PRKCI: variants seen among roughly 807,000 people sequenced by gnomAD.
PRKCI encodes the protein protein kinase C iota.
In PRKCI, 43 loss-of-function variants were observed where a neutral mutation model predicts 84.0. The observed-to-expected ratio is 0.51, with a 90% CI of 0.40 to 0.66. PRKCI has a LOEUF of 0.66. Ranked by LOEUF, PRKCI falls within the 30% of genes least tolerant of loss-of-function variation. The pLI, the probability that PRKCI is intolerant of heterozygous loss-of-function variation, is 0.00. For synonymous variants in PRKCI, 216 were observed against 234.4 expected, an observed-to-expected ratio of 0.92 and a Z score of 0.72; for missense variants, 459 against 745.6, an observed-to-expected ratio of 0.62 and a Z score of 4.48.
chr3:170,250,234 C>T (rs1482229831), intron 2 of PRKCI, among the ~76,000 whole-genome samples: 1 of 150,628 alleles, frequency 6.6e-6, no homozygotes, highest in African/African-American at 2.4e-5. Flanking sequence ...GGTGTCACCA[C>T]CACACTCCAG....
At chr3:170,234,565 C>G (rs1399848303) in intron 1 of PRKCI, among the ~76,000 whole-genome samples, 3 of 152,104 alleles carry the variant, frequency 2.0e-5, no homozygotes, top group Admixed American at 6.5e-5. Context: ...TACACTTATT[C>G]TTTGACAGAG....
At chr3:170,266,812 G>T (rs1416726098) in intron 4 of PRKCI, among the ~76,000 whole-genome samples, 2 of 152,136 alleles carry the variant, frequency 1.3e-5, no homozygotes, top group East Asian at 1.9e-4. Flanking sequence ...GGCCAACGTG[G>T]CAAAACCCCA....
chr3:170,281,283 G>A lies in PRKCI; in HGVS notation c.980+20G>A. 6.3e-7 allele frequency: 1 copy of A among 1,594,758 alleles called. No individual in the cohort carries two copies. Among genetic ancestry groups the A allele is most frequent in the Admixed American group, 1.7e-5 (1 of 59,974 alleles). ...AAGCAGGTAAGATTGAAAGATAGTAGAATGATTACTGGGCTTCATATTTTT... is the reference window on the plus strand; with the variant it reads ...AAGCAGGTAAGATTGAAAGATAGTAAAATGATTACTGGGCTTCATATTTTT... On this transcript the variant is annotated intron_variant, in intron 10 of 17. Transcript: ENST00000295797.
chr3:170,227,096 A>C (rs117973996), intron 1 of PRKCI, among the ~76,000 whole-genome samples: 2,603 of 152,326 alleles, frequency 0.017, 66 homozygotes, highest in East Asian at 0.12. Flanking sequence ...GCAACTCTGC[A>C]CAGAAAAATT....
At chr3:170,265,307 T>G (rs1733831716) in intron 4 of PRKCI, among the ~76,000 whole-genome samples, 1 of 152,212 alleles carries the variant, frequency 6.6e-6, no homozygotes, top group South Asian at 2.1e-4. Flanking sequence ...CACTAAAGTT[T>G]GAGAACCACC....
chr3:170,298,733 A>C (rs1293837244), intron 16 of PRKCI, among the ~76,000 whole-genome samples: 1 of 151,834 alleles, frequency 6.6e-6, no homozygotes, highest in Non-Finnish European at 1.5e-5. Flanking sequence ...TAGAGATGGG[A>C]TCTTGCTATG....
intron 1 of PRKCI, among the ~76,000 whole-genome samples, chr3:170,232,750 C>T (rs1732835225): frequency 6.6e-6 from 1 of 151,968 alleles, no homozygotes; most frequent in South Asian, 2.1e-4. Context: ...CTTGTTCTGT[C>T]ACTGAGGCTG....
chr3:170,279,739 G>A (rs79321776), intron 8 of PRKCI, among the ~76,000 whole-genome samples: 13 of 152,122 alleles, frequency 8.5e-5, no homozygotes, highest in African/African-American at 2.9e-4. Flanking sequence ...TACATTCTAT[G>A]TATCAAGCTT....
intron 2 of PRKCI, among the ~76,000 whole-genome samples, chr3:170,235,600 C>G (rs1412777335): frequency 2.0e-5 from 3 of 146,974 alleles, no homozygotes; most frequent in Non-Finnish European, 4.5e-5. Context: ...GAGTCTCGCT[C>G]TATCGCCCAG....
At chr3:170,261,634 C>T (rs1733731019) in intron 3 of PRKCI, among the ~76,000 whole-genome samples, 1 of 152,062 alleles carries the variant, frequency 6.6e-6, no homozygotes, top group African/African-American at 2.4e-5. Flanking sequence ...CAGGCGCCTA[C>T]CACCATGCCC....
At chr3:170,226,038 G>A (rs1018100611) in intron 1 of PRKCI, among the ~76,000 whole-genome samples, 3 of 151,816 alleles carry the variant, frequency 2.0e-5, no homozygotes, top group Non-Finnish European at 4.4e-5. Flanking sequence ...GCTGCCTCCC[G>A]AGTAGGTGGG....
At chr3:170,233,554 G>T (rs1278921080) in intron 1 of PRKCI, among the ~76,000 whole-genome samples, 1 of 152,134 alleles carries the variant, frequency 6.6e-6, no homozygotes, top group African/African-American at 2.4e-5. Context: ...CTTTGGTACT[G>T]TAACAAGGAT....
intron 2 of PRKCI, among the ~76,000 whole-genome samples, chr3:170,249,122 A>C (rs897426349): frequency 2.0e-5 from 3 of 152,102 alleles, no homozygotes; most frequent in African/African-American, 7.2e-5. Flanking sequence ...CGCTGGGATT[A>C]CAGGCATGAG....
chr3:170,250,535 A>C lies in PRKCI; in HGVS notation c.224-9434A>C, dbSNP rs568894406. ...CCCAGACCTAGACAACCACTAATCC[A>C]CGATATGTTTCTACAGATAGACTGA... On this transcript the variant is annotated intron_variant, in intron 2 of 17. Transcript: ENST00000295797. Among the ~76,000 whole-genome samples, 397 of 141,766 alleles carry C rather than the reference A, an allele frequency of 2.8e-3. 1 individual carries two copies. Among genetic ancestry groups the C allele is most frequent in the Admixed American group, 5.3e-3 (68 of 12,840 alleles). 93.0% of individuals were successfully genotyped at this position (141,766 alleles called of 152,430 possible).
At chr3:170,287,789 G>A (rs1198032652) in intron 12 of PRKCI, among the ~76,000 whole-genome samples, 12 of 151,144 alleles carry the variant, frequency 7.9e-5, no homozygotes, top group African/African-American at 2.9e-4. Context: ...GCACACCTGT[G>A]GTCCCAGCTA....
chr3:170,262,616 G>A (rs1239890049), intron 3 of PRKCI, among the ~76,000 whole-genome samples: 2 of 152,122 alleles, frequency 1.3e-5, no homozygotes, highest in African/African-American at 4.8e-5. Flanking sequence ...AGGGAGCTGG[G>A]ATTACAGGCA....
At chr3:170,270,666 A>G (rs1462206674) in intron 6 of PRKCI, 105 bp downstream of exon 6, 5 of 1,328,382 alleles carry the variant, frequency 3.8e-6, no homozygotes, top group Non-Finnish European at 5.0e-6. Context: ...TTACAGCACA[A>G]CAGAGTAGCT....
At chr3:170,269,299 A>T (rs1733943859) in intron 5 of PRKCI, among the ~76,000 whole-genome samples, 1 of 152,216 alleles carries the variant, frequency 6.6e-6, no homozygotes, top group Non-Finnish European at 1.5e-5. Flanking sequence ...GTAATTAATT[A>T]ATGTAAATAG....
In PRKCI at chr3:170,260,695, C is replaced by T. The variant is rs545918167; in HGVS notation, c.313+637C>T. Among the ~76,000 whole-genome samples the T allele has an allele frequency of 7.9e-5, 12 of 152,158 alleles. No homozygotes were observed. In the South Asian group the frequency reaches 1.5e-3, roughly 18 times the overall value. ...CTCGAACTCCTGGCCTCAAGAGATC[C>T]GCCTGCCTTGGTCTCCCAAAGCACT... is the stretch of plus-strand genomic sequence containing the variant. On this transcript the variant is annotated intron_variant, in intron 3 of 17. Transcript: ENST00000295797.
Sources: gnomAD v4.1 joint callset for allele counts (sites outside exome capture counted in the v4.1 genomes callset) on GRCh38, gnomAD v4.1.1 for gene constraint, MANE v1.5 for transcripts, NCBI Gene and HGNC (gene_info 2026-07-23, HGNC 2026-07-21) for gene names.